DPP10: variants seen among roughly 807,000 people sequenced by gnomAD.
DPP10 encodes dipeptidyl peptidase like 10.
Under a neutral mutation model 120.9 loss-of-function variants are expected in DPP10, and 33 were observed. That is an observed-to-expected ratio of 0.27 (90% CI 0.21 to 0.37). The LOEUF is 0.37. Ranked by LOEUF, DPP10 falls within the 10% of genes least tolerant of loss-of-function variation. DPP10 has a pLI of 1.00. For missense variants in DPP10, 816 were observed against 942.8 expected, an observed-to-expected ratio of 0.87 and a Z score of 1.76; for synonymous variants, 337 against 326.1, an observed-to-expected ratio of 1.03 and a Z score of -0.36.
At chr2:114,486,660 T>C (rs1681544411) in intron 1 of DPP10, among the ~76,000 whole-genome samples, 2 of 152,162 alleles carry the variant, frequency 1.3e-5, no homozygotes, top group Non-Finnish European at 2.9e-5. Context: ...GGACTTGTAG[T>C]TCTGTAACTC....
chr2:115,249,470 G>A (rs1257321972), intron 1 of DPP10, among the ~76,000 whole-genome samples: 2 of 152,084 alleles, frequency 1.3e-5, no homozygotes, highest in African/African-American at 2.4e-5. Flanking sequence ...TTATTGGGTC[G>A]AGTGATTTTA....
intron 16 of DPP10, 29 bp downstream of exon 16, chr2:115,781,024 T>A (rs757883753): frequency 6.6e-7 from 1 of 1,517,758 alleles, no homozygotes; most frequent in Admixed American, 1.8e-5. Flanking sequence ...TCTGATATAA[T>A]ATATTTTATT....
At chr2:115,287,125 G>A (rs2060436739) in intron 1 of DPP10, among the ~76,000 whole-genome samples, 1 of 152,034 alleles carries the variant, frequency 6.6e-6, no homozygotes, top group Non-Finnish European at 1.5e-5. Flanking sequence ...TTAAGGAAAT[G>A]ATAAAGATAA....
chr2:114,987,593 A>T (rs907327575), intron 1 of DPP10, among the ~76,000 whole-genome samples: 18 of 152,070 alleles, frequency 1.2e-4, no homozygotes, highest in Admixed American at 6.5e-4. Flanking sequence ...ATGCATATAA[A>T]CTGTGAAGGA....
intron 21 of DPP10, among the ~76,000 whole-genome samples, chr2:115,819,760 G>A (rs993162354): frequency 6.6e-6 from 1 of 152,132 alleles, no homozygotes; most frequent in Non-Finnish European, 1.5e-5. Flanking sequence ...TTGGGAGGCC[G>A]AGGTGGGCGG....
At chr2:115,105,408 G>A (rs2048897349) in intron 1 of DPP10, among the ~76,000 whole-genome samples, 1 of 146,176 alleles carries the variant, frequency 6.8e-6, no homozygotes. Flanking sequence ...AAGGGGAGCA[G>A]ATGTGTCACA....
At chr2:115,313,231 A>G (rs1463970656) in intron 2 of DPP10, among the ~76,000 whole-genome samples, 1 of 152,156 alleles carries the variant, frequency 6.6e-6, no homozygotes, top group Non-Finnish European at 1.5e-5. Context: ...CAAAAAATAA[A>G]AAAGAGTGGC....
intron 3 of DPP10, among the ~76,000 whole-genome samples, chr2:115,350,614 G>A (rs1320093201): frequency 1.3e-5 from 2 of 152,092 alleles, no homozygotes; most frequent in Non-Finnish European, 2.9e-5. Flanking sequence ...GGTACAGAGA[G>A]GAGCGTGAGG....
At chr2:115,681,001 T>G (rs767717560) in intron 5 of DPP10, among the ~76,000 whole-genome samples, 22 of 151,928 alleles carry the variant, frequency 1.4e-4, no homozygotes, top group Non-Finnish European at 2.4e-4. Context: ...TTGTTGTTGT[T>G]GCTGCTGTCA....
At chr2:114,756,157 A>T (rs1412644488) in intron 1 of DPP10, among the ~76,000 whole-genome samples, 1 of 152,238 alleles carries the variant, frequency 6.6e-6, no homozygotes, top group Non-Finnish European at 1.5e-5. Flanking sequence ...TAAAATGCTT[A>T]GTGATTTGTA....
chr2:115,264,049 T>G lies in DPP10; in HGVS notation c.61-45190T>G, dbSNP rs548058909. On this transcript the variant is annotated intron_variant, in intron 1 of 25. Transcript: ENST00000410059. ...TAAAAATGATTTCCATAGTAAATAC[T>G]CAATAGAATTATTCACTAAGAAGAA... Among the ~76,000 whole-genome samples the G allele has an allele frequency of 9.2e-5, 14 of 152,286 alleles. No homozygotes were observed. In the East Asian group the frequency reaches 2.7e-3, roughly 29 times the overall value.
intron 1 of DPP10, among the ~76,000 whole-genome samples, chr2:114,660,888 C>A (rs1334218658): frequency 6.6e-6 from 1 of 151,882 alleles, no homozygotes; most frequent in Admixed American, 6.5e-5. Context: ...GATGATTTTG[C>A]TAAGAATAAA....
At chr2:115,367,220 T>G (rs998592528) in intron 3 of DPP10, among the ~76,000 whole-genome samples, 1 of 151,904 alleles carries the variant, frequency 6.6e-6, no homozygotes, top group African/African-American at 2.4e-5. Flanking sequence ...CATAGAGTTT[T>G]TTTTATTTTG....
In DPP10 at chr2:114,981,016, C is replaced by G. The variant is rs527744842; in HGVS notation, c.61-328223C>G. On this transcript the variant is annotated intron_variant, in intron 1 of 25. Coordinates refer to ENST00000410059, the MANE Select transcript of DPP10 (RefSeq NM_020868.6). Reference sequence around the variant, plus strand: ...ATTTTTTTTTTTTTGTCCAAAACAACATAGCTGTTCTGCAGTGAGTGTATG... The same window carrying G: ...ATTTTTTTTTTTTTGTCCAAAACAAGATAGCTGTTCTGCAGTGAGTGTATG... 2.1e-5 allele frequency among the ~76,000 whole-genome samples: 3 copies of G among 141,852 alleles called. No homozygotes were observed. In the Admixed American group the frequency reaches 2.2e-4, roughly 10 times the overall value. 93.1% of individuals were successfully genotyped at this position (141,852 alleles called of 152,430 possible).
chr2:115,832,582 A>G (rs2150105598), intron 21 of DPP10, among the ~76,000 whole-genome samples: 1 of 152,360 alleles, frequency 6.6e-6, no homozygotes, highest in East Asian at 1.9e-4. Flanking sequence ...AATGCTATAA[A>G]TAGAATTTTA....
At position 114,698,268 on chromosome 2, in the gene DPP10, C is replaced by A. The variant is rs535415555; in HGVS notation, c.60+255430C>A. 3.3e-5 allele frequency among the ~76,000 whole-genome samples: 5 copies of A among 152,024 alleles called. No individual in the cohort carries two copies. In the East Asian group the frequency reaches 9.7e-4, roughly 30 times the overall value. On this transcript the variant is annotated intron_variant, in intron 1 of 25. Coordinates refer to ENST00000410059, the MANE Select transcript of DPP10 (RefSeq NM_020868.6). ...CCAGCTTCCATATCATAAAAAGAGG[C>A]CCATAAGGAAAAAAAATGGAGGCCT...
chr2:114,928,007 G>C (rs1695766030), intron 1 of DPP10, among the ~76,000 whole-genome samples: 2 of 152,146 alleles, frequency 1.3e-5, no homozygotes, highest in South Asian at 4.1e-4. Context: ...AAGGCATTAA[G>C]GTATTCACAT....
At chr2:114,553,564 C>T (rs909730391) in intron 1 of DPP10, among the ~76,000 whole-genome samples, 2 of 152,144 alleles carry the variant, frequency 1.3e-5, no homozygotes, top group African/African-American at 4.8e-5. Flanking sequence ...AGTGGTTTTT[C>T]AGTAGTTTTC....
At chr2:115,028,309 A>G (rs1703611505) in intron 1 of DPP10, among the ~76,000 whole-genome samples, 1 of 152,190 alleles carries the variant, frequency 6.6e-6, no homozygotes, top group African/African-American at 2.4e-5. Flanking sequence ...ATGTGGTTCA[A>G]GAATTTTTAT....
Sources: allele counts gnomAD v4.1 joint callset (sites outside exome capture counted in the v4.1 genomes callset), GRCh38; gene constraint gnomAD v4.1.1; transcripts MANE v1.5; gene names NCBI Gene and HGNC (gene_info 2026-07-23, HGNC 2026-07-21).